Variants in CD38 observed in about 807,000 individuals in gnomAD.
CD38 encodes the protein ADP-ribosyl cyclase/cyclic ADP-ribose hydrolase 1.
Under a neutral mutation model 36.3 loss-of-function variants are expected in CD38, and 31 were observed. The observed-to-expected ratio is 0.85, with a 90% CI of 0.64 to 1.15. The LOEUF (loss-of-function observed/expected upper bound fraction) is 1.15. Ranked by LOEUF, CD38 falls within the 50% of genes most tolerant of loss-of-function variation. The pLI, the probability that CD38 is intolerant of heterozygous loss-of-function variation, is 0.00. For synonymous variants in CD38, 131 were observed against 135.2 expected (o/e 0.97, Z 0.22); for missense variants, 380 against 371.9 (o/e 1.02, Z -0.18).
chr4:15,808,849 A>G (rs1055963213), intron 1 of CD38, among the ~76,000 whole-genome samples: 5 of 152,308 alleles, frequency 3.3e-5, no homozygotes, highest in Middle Eastern at 3.4e-3. Flanking sequence ...CTATTCAAGA[A>G]AAGCTTTTCT....
At chr4:15,809,841 G>A (rs372539075) in intron 1 of CD38, among the ~76,000 whole-genome samples, 6 of 152,112 alleles carry the variant, frequency 3.9e-5, no homozygotes, top group African/African-American at 1.4e-4. Context: ...TCCTTCTTTA[G>A]TTGGAAAGAT....
intron 3 of CD38, 42 bp from the exon 4 acceptor site, chr4:15,834,173 ACT>A (rs1577658484): frequency 1.6e-6 from 2 of 1,259,018 alleles, no homozygotes; most frequent in East Asian, 2.3e-5. Flanking sequence ...GCTTATTTAT[ACT>A]CTCTGTTTTC....
At chr4:15,834,371 C>A in intron 4 of CD38, 69 bp downstream of exon 4, 1 of 928,774 alleles carries the variant, frequency 1.1e-6, no homozygotes, top group Non-Finnish European at 1.8e-6. Context: ...TCAGTCAGTG[C>A]TTGGTTTTAA....
chr4:15,822,918 C>G lies in CD38; in HGVS notation c.364-1963C>G, dbSNP rs538615214. The stretch of plus-strand genomic sequence containing the variant: ...AACAAAGCTGGAGGCATCGTGCTAC[C>G]CAACTCCAAACTGCACTACAAGGCT... On this transcript the variant is annotated intron_variant, in intron 2 of 7. Transcript: ENST00000226279. Among the ~76,000 whole-genome samples the G allele has an allele frequency of 5.3e-5, 8 of 152,234 alleles. No individual in the cohort carries two copies. In the South Asian group the frequency reaches 1.2e-3, roughly 24 times the overall value.
chr4:15,780,260 T>G (rs1312987137), intron 1 of CD38, among the ~76,000 whole-genome samples: 3 of 152,186 alleles, frequency 2.0e-5, no homozygotes, highest in African/African-American at 7.2e-5. Context: ...CATTTTACTC[T>G]CCCATCATCA....
chr4:15,788,021 C>A (rs1370269756), intron 1 of CD38, among the ~76,000 whole-genome samples: 1 of 152,246 alleles, frequency 6.6e-6, no homozygotes. Context: ...GAACAGCTGC[C>A]TTCAGCTTAT....
At chr4:15,817,977 T>A (rs1420300443) in intron 2 of CD38, among the ~76,000 whole-genome samples, 1 of 152,040 alleles carries the variant, frequency 6.6e-6, no homozygotes, top group African/African-American at 2.4e-5. Flanking sequence ...CGTACCCCAG[T>A]GGCGCCTGAA....
chr4:15,816,968 C>T (rs1723614314), intron 2 of CD38, among the ~76,000 whole-genome samples: 1 of 152,194 alleles, frequency 6.6e-6, no homozygotes, highest in Non-Finnish European at 1.5e-5. Context: ...AAAACTTTCC[C>T]CTGACCTATG....
intron 2 of CD38, among the ~76,000 whole-genome samples, chr4:15,822,652 A>G (rs1335670340): frequency 1.3e-5 from 2 of 152,188 alleles, no homozygotes; most frequent in Non-Finnish European, 2.9e-5. Flanking sequence ...CTTCATGGAT[A>G]CCTATAATCC....
intron 1 of CD38, among the ~76,000 whole-genome samples, chr4:15,791,561 C>A (rs1156651922): frequency 4.2e-5 from 3 of 70,854 alleles, no homozygotes; most frequent in African/African-American, 2.1e-4. Flanking sequence ...CCAGCCGCCC[C>A]GTCCGGGAGG....
rs10545816 is a variant in CD38 at position 15,780,528 on chromosome 4, A to ACGCG, written c.233+1882_233+1883insGCGC. ...ATAATATTCTCTCTCTCACACACACACACACACACACACACACACACACAC... is the reference window on the plus strand; with the variant it reads ...ATAATATTCTCTCTCTCACACACACACGCGCACACACACACACACACACACACAC... On this transcript the variant is annotated intron_variant, in intron 1 of 7. Coordinates refer to ENST00000226279, the MANE Select transcript of CD38 (RefSeq NM_001775.4). Among the ~76,000 whole-genome samples the ACGCG allele has an allele frequency of 2.8e-4, 41 of 144,304 alleles. No individual in the cohort carries two copies. The East Asian group carries it at 3.4e-3, about 12-fold the overall frequency. The allele number at this position is 144,304 out of a possible 152,430, so 94.7% of individuals were successfully genotyped here. A position where few individuals can be genotyped will look rare whatever the true frequency, so the allele number is the denominator to read the frequency against.
intron 7 of CD38, among the ~76,000 whole-genome samples, chr4:15,840,973 G>C (rs1366781566): frequency 6.6e-6 from 1 of 152,004 alleles, no homozygotes; most frequent in Non-Finnish European, 1.5e-5. Flanking sequence ...AGTTGGATCT[G>C]AGTACAGATG....
At chr4:15,821,127 T>A (rs1310528039) in intron 2 of CD38, among the ~76,000 whole-genome samples, 1 of 152,132 alleles carries the variant, frequency 6.6e-6, no homozygotes, top group Non-Finnish European at 1.5e-5. Flanking sequence ...AATTAAGAAG[T>A]TCTTTGAAAC....
At chr4:15,785,992 C>T (rs190689510) in intron 1 of CD38, among the ~76,000 whole-genome samples, 6 of 152,222 alleles carry the variant, frequency 3.9e-5, no homozygotes, top group East Asian at 1.9e-4. Flanking sequence ...TAAGGCAGCG[C>T]GTCTGGAGTT....
intron 1 of CD38, among the ~76,000 whole-genome samples, chr4:15,811,769 C>T (rs973481045): frequency 1.3e-5 from 2 of 152,308 alleles, no homozygotes; most frequent in African/African-American, 4.8e-5. Flanking sequence ...TCAAATCTGT[C>T]TCCCCTTCTG....
chr4:15,811,139 A>G (rs1458263462), intron 1 of CD38, among the ~76,000 whole-genome samples: 2 of 152,246 alleles, frequency 1.3e-5, no homozygotes, highest in Admixed American at 6.5e-5. Flanking sequence ...TTATTGAATT[A>G]TAAGAGCTCT....
intron 1 of CD38, among the ~76,000 whole-genome samples, chr4:15,805,385 G>A: frequency 6.6e-6 from 1 of 151,968 alleles, no homozygotes; most frequent in Non-Finnish European, 1.5e-5. Context: ...CCTATTTAAT[G>A]TCAACTGTCC....
chr4:15,787,726 G>C (rs1052791273), intron 1 of CD38, among the ~76,000 whole-genome samples: 2 of 152,224 alleles, frequency 1.3e-5, no homozygotes, highest in Admixed American at 1.3e-4. Flanking sequence ...ACAGATGAAA[G>C]GAGTACTCAG....
chr4:15,785,964 G>T (rs571210594), intron 1 of CD38, among the ~76,000 whole-genome samples: 4 of 152,154 alleles, frequency 2.6e-5, no homozygotes, highest in African/African-American at 7.2e-5. Flanking sequence ...AGACCTTCAC[G>T]GTGAGTGTTA....
Sources: gnomAD v4.1 joint callset for allele counts (sites outside exome capture counted in the v4.1 genomes callset) on GRCh38, gnomAD v4.1.1 for gene constraint, MANE v1.5 for transcripts, NCBI Gene and HGNC (gene_info 2026-07-23, HGNC 2026-07-21) for gene names.